UBQLN4: variants seen among roughly 807,000 people sequenced by gnomAD.
UBQLN4 encodes ubiquilin 4.
A neutral mutation model predicts 60.4 loss-of-function variants in UBQLN4; 11 were observed. The observed-to-expected ratio is 0.18, with a 90% confidence interval of 0.11 to 0.30. UBQLN4 has a LOEUF of 0.30. Among genes scored for constraint, UBQLN4 ranks in the 10% least tolerant of loss-of-function variants. UBQLN4 has a pLI of 1.00. For missense variants in UBQLN4, 417 were observed against 795.5 expected (o/e 0.52, Z 5.72); for synonymous variants, 258 against 313.1 (o/e 0.82, Z 1.86).
chr1:156,046,806 C>A (rs1037849400), intron 5 of UBQLN4, among the ~76,000 whole-genome samples: 1 of 152,206 alleles, frequency 6.6e-6, no homozygotes, highest in African/African-American at 2.4e-5. Flanking sequence ...CGCGCCATTG[C>A]ACTCCAGCCT....
intron 10 of UBQLN4, among the ~76,000 whole-genome samples, chr1:156,040,200 C>T (rs570355150): frequency 6.6e-6 from 1 of 151,606 alleles, no homozygotes; most frequent in Non-Finnish European, 1.5e-5. Flanking sequence ...TCGAGACCAG[C>T]CTGGACAACA....
chr1:156,036,613 G>C lies in UBQLN4; in HGVS notation c.*365C>G. On this transcript the variant is annotated 3_prime_UTR_variant, in exon 11 of 11. Transcript: ENST00000368309. ...CAAAACCCTAGTGGTATAGATGGAA[G>C]ACTATGTTCCAGTAAACCAGAGAGC... The C allele has an allele frequency of 9.8e-7, 1 of 1,016,320 alleles. No individual in the cohort carries two copies. Among genetic ancestry groups the C allele is most frequent in the Non-Finnish European group, 1.2e-6 (1 of 848,612 alleles). 63.0% of individuals were successfully genotyped at this position (1,016,320 alleles called of 1,614,324 possible).
chr1:156,041,058 G>A (rs549575591), intron 10 of UBQLN4, among the ~76,000 whole-genome samples: 3 of 152,146 alleles, frequency 2.0e-5, no homozygotes, highest in Non-Finnish European at 4.4e-5. Flanking sequence ...ATGGTATAGT[G>A]TAAATTCTGG....
rs1177008433 is a variant in UBQLN4 at position 156,038,842 on chromosome 1, G to C, written c.1654-1712C>G. On this transcript the variant is annotated intron_variant, in intron 10 of 10. Coordinates refer to ENST00000368309, the MANE Select transcript of UBQLN4 (RefSeq NM_020131.5). ...TTTTTTTTTTTTGAGACGGAGTCTC[G>C]CTCTGTCACCCAGGCTGGATGCAGT... Among the ~76,000 whole-genome samples, 4 of 128,050 alleles carry C rather than the reference G, an allele frequency of 3.1e-5. No individual in the cohort carries two copies. In the Admixed American group the frequency reaches 4.0e-4, roughly 13 times the overall value. 84.0% of individuals were successfully genotyped at this position (128,050 alleles called of 152,430 possible).
rs755961896 is a variant in UBQLN4, at chr1:156,044,143, C to T, written c.981G>A (p.Glu327=). 1.9e-6 allele frequency: 3 copies of T among 1,579,956 alleles called. No individual in the cohort carries two copies. The highest frequency in any genetic ancestry group is 2.3e-5 in the East Asian group (1 of 44,112). ...AGGGGCTCCAGGGGTTAGGGAGGGG[C>T]TCTCGATTCTCAGTCCGCAGAGGCT... The part of the protein sequence containing the change: ...SSQPLRTENR[E]PLPNPWSPSP... The change falls in exon 6 of 11, where the codon GAG becomes GAA. Residue 327 remains glutamate (E), a synonymous_variant. Coordinates refer to ENST00000368309, the MANE Select transcript of UBQLN4 (RefSeq NM_020131.5).
intron 4 of UBQLN4, among the ~76,000 whole-genome samples, chr1:156,049,409 T>A (rs1223797766): frequency 1.3e-5 from 2 of 152,150 alleles, no homozygotes; most frequent in Admixed American, 6.5e-5. Context: ...AATGGCACAA[T>A]CTCAATAAGG....
chr1:156,038,759 G>A (rs1683469798), intron 10 of UBQLN4, among the ~76,000 whole-genome samples: 1 of 151,016 alleles, frequency 6.6e-6, no homozygotes, highest in African/African-American at 2.4e-5. Flanking sequence ...CTCCTGCCTT[G>A]GCCTCTCTAA....
At position 156,041,375 on chromosome 1, in the gene UBQLN4, A is replaced by G. The variant is rs192299842; in HGVS notation, c.1653+110T>C. On this transcript the variant is annotated intron_variant, in intron 10 of 10. Transcript: ENST00000368309. ...CTGCCCAAGGCTAGCAAGTGGCAGA[A>G]CAGGACCTGACTCCCAAGCTTGCCC... is the stretch of plus-strand genomic sequence containing the variant. 5 of 1,236,664 alleles carry G rather than the reference A, an allele frequency of 4.0e-6. No individual in the cohort carries two copies. The Admixed American group carries it at 1.3e-4, about 31-fold the overall frequency. The allele number at this position is 1,236,664 out of a possible 1,614,324, so 76.6% of individuals were successfully genotyped here.
At chr1:156,033,856 C>A (rs542598499), downstream of UBQLN4, among the ~76,000 whole-genome samples, 16 of 149,584 alleles carry the variant, frequency 1.1e-4, no homozygotes, top group South Asian at 2.1e-4. Context: ...AAAAAAAAAA[C>A]CAAAAAAAAA....
At position 156,048,748 on chromosome 1, in the gene UBQLN4, A is replaced by C; in HGVS notation, c.742-89T>G. The C allele has an allele frequency of 7.0e-7, 1 of 1,434,862 alleles. No individual in the cohort carries two copies. The highest frequency in any genetic ancestry group is 9.5e-7 in the Non-Finnish European group (1 of 1,050,902). The allele number at this position is 1,434,862 out of a possible 1,614,324, so 88.9% of individuals were successfully genotyped here. A position where few individuals can be genotyped will look rare whatever the true frequency, so the allele number is the denominator to read the frequency against. ...TGGGCCTTGAGGAAGGGGGGTCTGTATCAGGATCAGGACCAGGGCCCAGGA... is the reference window on the plus strand; with the variant it reads ...TGGGCCTTGAGGAAGGGGGGTCTGTCTCAGGATCAGGACCAGGGCCCAGGA... On this transcript the variant is annotated intron_variant, in intron 4 of 10. Coordinates refer to ENST00000368309, the MANE Select transcript of UBQLN4 (RefSeq NM_020131.5). The surrounding 1 kb of genome is among the most constrained non-coding windows in gnomAD (Gnocchi z 4.9).
At chr1:156,043,863 G>A (rs528176354) in intron 6 of UBQLN4, 135 bp downstream of exon 6, 7 of 969,662 alleles carry the variant, frequency 7.2e-6, no homozygotes, top group East Asian at 2.6e-5. Flanking sequence ...TATCCCAGAC[G>A]GCAGAGCCCC....
At chr1:156,033,371 C>T, downstream of UBQLN4, 4 of 879,648 alleles carry the variant, frequency 4.5e-6, no homozygotes, top group Non-Finnish European at 5.5e-6. Flanking sequence ...CTGATGATTC[C>T]AGGTTTTTTT....
At position 156,051,121 on chromosome 1, in the gene UBQLN4, G is replaced by A. The variant is rs1276312186; in HGVS notation, c.467C>T (p.Ala156Val). The A allele has an allele frequency of 4.3e-6, 7 of 1,613,178 alleles. No homozygotes were observed. Among genetic ancestry groups the A allele is most frequent in the African/African-American group, 2.7e-5 (2 of 74,920 alleles). The change falls in exon 3 of 11, where the codon GCG (alanine) becomes GTG (valine). Residue 156 changes from alanine to valine, a missense_variant. Coordinates refer to ENST00000368309, the MANE Select transcript of UBQLN4 (RefSeq NM_020131.5). Reference protein sequence around the residue: ...GAGEGSPSATASILSGFGGIL... With the variant: ...GAGEGSPSATVSILSGFGGIL... ...CTCTGAGGGCTTACAGAGTATGGAC[G>A]CAGTAGCACTGGGGGATCCCTCCCC...
intron 6 of UBQLN4, among the ~76,000 whole-genome samples, chr1:156,043,586 C>T (rs1278076190): frequency 6.6e-6 from 1 of 152,190 alleles, no homozygotes. Flanking sequence ...GGAGCATCCT[C>T]TAGGGTTGTG....
rs117834800 is a variant in UBQLN4 at position 156,045,003 on chromosome 1, G to A, written c.901-780C>T. On this transcript the variant is annotated intron_variant, in intron 5 of 10. Coordinates refer to ENST00000368309, the MANE Select transcript of UBQLN4 (RefSeq NM_020131.5). Reference sequence around the variant, plus strand: ...TCTCAGGTCCATACCCCATGGGATGGTGTGCTTCCCAAAGGCAACACCGGA... The same window carrying A: ...TCTCAGGTCCATACCCCATGGGATGATGTGCTTCCCAAAGGCAACACCGGA... Among the ~76,000 whole-genome samples, 64 of 152,196 alleles carry A rather than the reference G, an allele frequency of 4.2e-4. 1 individual carries two copies. In the East Asian group the frequency reaches 9.8e-3, roughly 23 times the overall value.
chr1:156,040,567 T>A (rs1683537387), intron 10 of UBQLN4, among the ~76,000 whole-genome samples: 1 of 148,546 alleles, frequency 6.7e-6, no homozygotes, highest in Non-Finnish European at 1.5e-5. Flanking sequence ...TGCGTCAGCC[T>A]CCTGAGTAGC....
At chr1:156,031,683 A>G (rs1456416405), downstream of UBQLN4, among the ~76,000 whole-genome samples, 4 of 151,348 alleles carry the variant, frequency 2.6e-5, no homozygotes, top group Non-Finnish European at 5.9e-5. Flanking sequence ...GGTTCAAGCA[A>G]TTCTCCTGCC....
intron 10 of UBQLN4, among the ~76,000 whole-genome samples, chr1:156,037,391 C>T (rs559165289): frequency 2.0e-5 from 3 of 152,038 alleles, no homozygotes; most frequent in African/African-American, 7.2e-5. Flanking sequence ...GTCAGAAGAT[C>T]GAGACCATCC....
rs1022065257 is a variant in UBQLN4, at chr1:156,036,263, C to G, written c.*715G>C. 3.0e-6 allele frequency: 3 copies of G among 985,570 alleles called. No homozygotes were observed. The highest frequency in any genetic ancestry group is 1.7e-5 in the African/African-American group (1 of 57,242). The allele number at this position is 985,570 out of a possible 1,614,324, so 61.1% of individuals were successfully genotyped here. Reference sequence around the variant, plus strand: ...AGCCTTTTACTCAGGCTGTCTCCCCCATTCCCTTCCTCCGAATAATCTCAT... The same window carrying G: ...AGCCTTTTACTCAGGCTGTCTCCCCGATTCCCTTCCTCCGAATAATCTCAT... On this transcript the variant is annotated 3_prime_UTR_variant, in exon 11 of 11. Coordinates refer to ENST00000368309, the MANE Select transcript of UBQLN4 (RefSeq NM_020131.5).
Sources: gnomAD v4.1 joint callset for allele counts (sites outside exome capture counted in the v4.1 genomes callset) on GRCh38, gnomAD v4.1.1 for gene constraint, Gnocchi (gnomAD v3.1) non-coding constraint, MANE v1.5 for transcripts, NCBI Gene and HGNC (gene_info 2026-07-23, HGNC 2026-07-21) for gene names.